The following KCNMA1 variants were observed in gnomAD, a reference collection of about 807,000 sequenced individuals.
The protein encoded by KCNMA1 is potassium calcium-activated channel subfamily M alpha 1.
KCNMA1 carries 29 observed loss-of-function variants against 140.0 expected under a neutral mutation model. That is an observed-to-expected ratio of 0.21 (90% CI 0.15 to 0.28). KCNMA1 has a LOEUF of 0.28. KCNMA1 is among the 10% of genes least tolerant of loss of function. The probability of loss-of-function intolerance (pLI) is 1.00; values close to 1 mark genes in which losing one functional copy is unlikely to be tolerated. For missense variants in KCNMA1, 880 were observed against 1,602.2 expected, an observed-to-expected ratio of 0.55 and a Z score of 7.70; for synonymous variants, 612 against 611.9, an observed-to-expected ratio of 1.00 and a Z score of 0.00.
intron 1 of KCNMA1, among the ~76,000 whole-genome samples, chr10:77,496,941 C>T (rs752050591): frequency 6.6e-6 from 1 of 152,192 alleles, no homozygotes; most frequent in Admixed American, 6.5e-5. Context: ...ACCCACACTA[C>T]CTTGCTCTTC....
At chr10:76,947,954 C>T (rs538315772) in intron 22 of KCNMA1, among the ~76,000 whole-genome samples, 1 of 152,054 alleles carries the variant, frequency 6.6e-6, no homozygotes, top group South Asian at 2.1e-4. Flanking sequence ...GGGGGAAAAC[C>T]CAGACTTCTT....
At chr10:77,454,990 C>T (rs2097733527) in intron 1 of KCNMA1, among the ~76,000 whole-genome samples, 1 of 152,186 alleles carries the variant, frequency 6.6e-6, no homozygotes, top group Non-Finnish European at 1.5e-5. Context: ...CTGGACCCTC[C>T]ACCACAGGTA....
At chr10:77,084,575 A>C in intron 12 of KCNMA1, 62 bp downstream of exon 12, 1 of 1,292,162 alleles carries the variant, frequency 7.7e-7, no homozygotes, top group Non-Finnish European at 1.1e-6. Context: ...GAAGATCCAA[A>C]AGGGCCGTGA....
At chr10:77,636,862 G>GC in intron 1 of KCNMA1, 1 of 1,428,722 alleles carries the variant, frequency 7.0e-7, no homozygotes, top group Non-Finnish European at 9.1e-7. Flanking sequence ...CAGGAGCCGA[G>GC]CCCCGGCAGG....
At chr10:77,524,951 C>G (rs2055006944) in intron 1 of KCNMA1, among the ~76,000 whole-genome samples, 1 of 152,210 alleles carries the variant, frequency 6.6e-6, no homozygotes, top group Non-Finnish European at 1.5e-5. Flanking sequence ...TCCCTCAGCA[C>G]CAGCAGGCTA....
rs1555434748 is a variant in KCNMA1, at chr10:77,544,150, C to CTCTGTGTGTGTG, written c.378+93114_378+93115insCACACACACAGA. 5.2e-3 allele frequency among the ~76,000 whole-genome samples: 742 copies of CTCTGTGTGTGTG among 142,544 alleles called. 10 individuals are homozygous for CTCTGTGTGTGTG. The highest frequency in any genetic ancestry group is 0.036 in the East Asian group (177 of 4,872). 93.5% of individuals were successfully genotyped at this position (142,544 alleles called of 152,430 possible). A position where few individuals can be genotyped will look rare whatever the true frequency, so the allele number is the denominator to read the frequency against. On this transcript the variant is annotated intron_variant, in intron 1 of 27. Transcript: ENST00000286628. ...ATCTGTGATCTACATATCTTTCCAG[C>CTCTGTGTGTGTG]TGTGTGTGTGTGTGTGTGTGTGTGT...
chr10:77,537,099 C>T (rs1029792001), intron 1 of KCNMA1, among the ~76,000 whole-genome samples: 1 of 152,166 alleles, frequency 6.6e-6, no homozygotes, highest in Non-Finnish European at 1.5e-5. Context: ...CGGGACATCA[C>T]CAGTTCCAGT....
intron 1 of KCNMA1, among the ~76,000 whole-genome samples, chr10:77,490,623 G>A (rs1411584705): frequency 6.6e-6 from 1 of 152,180 alleles, no homozygotes; most frequent in South Asian, 2.1e-4. Flanking sequence ...ATAGACCTAG[G>A]AGGTTGGTGC....
chr10:77,167,345 C>T (rs1053707603), intron 5 of KCNMA1, among the ~76,000 whole-genome samples: 2 of 152,184 alleles, frequency 1.3e-5, no homozygotes, highest in African/African-American at 4.8e-5. Flanking sequence ...TGAAGAGAGA[C>T]ATTCACTCTC....
intron 1 of KCNMA1, among the ~76,000 whole-genome samples, chr10:77,608,824 A>G (rs2085561701): frequency 6.6e-6 from 1 of 152,208 alleles, no homozygotes; most frequent in Non-Finnish European, 1.5e-5. Flanking sequence ...AATGGCCCAC[A>G]GGTATATAAA....
intron 3 of KCNMA1, among the ~76,000 whole-genome samples, chr10:77,201,057 G>A (rs2042287930): frequency 6.6e-6 from 1 of 152,120 alleles, no homozygotes; most frequent in Non-Finnish European, 1.5e-5. Context: ...GTTTCCAGAG[G>A]GCTGCCTGAA....
chr10:77,160,742 C>T (rs1280754615), intron 5 of KCNMA1, among the ~76,000 whole-genome samples: 1 of 152,222 alleles, frequency 6.6e-6, no homozygotes, highest in Non-Finnish European at 1.5e-5. Context: ...CATAGTTGAA[C>T]AGCTGTGGAA....
chr10:77,530,042 G>A (rs1262647441), intron 1 of KCNMA1, among the ~76,000 whole-genome samples: 1 of 152,220 alleles, frequency 6.6e-6, no homozygotes, highest in Non-Finnish European at 1.5e-5. Context: ...ACAGGCATCT[G>A]AGGCCAAAAC....
chr10:77,437,567 C>CTTT (rs2154503631), intron 1 of KCNMA1, among the ~76,000 whole-genome samples: 1 of 152,236 alleles, frequency 6.6e-6, no homozygotes, highest in African/African-American at 2.4e-5. Context: ...CCAAGGGGAA[C>CTTT]TTGGTTTGTG....
chr10:77,539,308 T>A lies in KCNMA1; in HGVS notation c.378+97957A>T, dbSNP rs189191324. On this transcript the variant is annotated intron_variant, in intron 1 of 27. Transcript: ENST00000286628. ...AAGTCAGGTTGCTTGTCCAAGATAA[T>A]GCAGAGATGGAGATGGGATCAAAAC... Among the ~76,000 whole-genome samples the A allele has an allele frequency of 8.5e-5, 13 of 152,296 alleles. No individual in the cohort carries two copies. The East Asian group carries it at 2.3e-3, about 27-fold the overall frequency.
chr10:77,138,021 G>A (rs1455412720), intron 5 of KCNMA1, among the ~76,000 whole-genome samples: 1 of 152,080 alleles, frequency 6.6e-6, no homozygotes, highest in Non-Finnish European at 1.5e-5. Flanking sequence ...TGTTCTGATA[G>A]ATGCTCAACA....
chr10:77,248,316 C>A (rs1026000422), intron 3 of KCNMA1, among the ~76,000 whole-genome samples: 4 of 152,080 alleles, frequency 2.6e-5, no homozygotes, highest in Admixed American at 6.6e-5. Context: ...GTGCAGAGAG[C>A]CTGGAATCTC....
At chr10:77,523,327 A>G (rs4979890) in intron 1 of KCNMA1, among the ~76,000 whole-genome samples, 10,996 of 152,150 alleles carry the variant, frequency 0.072, 1,118 homozygotes, top group African/African-American at 0.23. Context: ...AAAAATATGT[A>G]TAGTAAGTAG....
At chr10:77,275,155 C>G (rs1016232382) in intron 2 of KCNMA1, among the ~76,000 whole-genome samples, 2 of 152,196 alleles carry the variant, frequency 1.3e-5, no homozygotes, top group African/African-American at 4.8e-5. Context: ...ATTTGGACAG[C>G]TTAGACCTCA....
Sources: allele counts gnomAD v4.1 joint callset (sites outside exome capture counted in the v4.1 genomes callset), GRCh38; gene constraint gnomAD v4.1.1; transcripts MANE v1.5; gene names NCBI Gene and HGNC (gene_info 2026-07-23, HGNC 2026-07-21).